ALDH1A2: variants seen among roughly 807,000 people sequenced by gnomAD.
ALDH1A2 encodes the protein retinal dehydrogenase 2.
ALDH1A2 carries 27 observed loss-of-function variants against 60.3 expected under a neutral mutation model. The ratio of observed to expected loss-of-function variants is 0.45; its 90% CI spans 0.33 to 0.62. The LOEUF is 0.62. ALDH1A2 is among the 20% of genes least tolerant of loss of function. The pLI, the probability that ALDH1A2 is intolerant of heterozygous loss-of-function variation, is 0.02. For synonymous variants in ALDH1A2, 289 were observed against 232.4 expected, an observed-to-expected ratio of 1.24 and a Z score of -2.21; for missense variants, 581 against 643.8, an observed-to-expected ratio of 0.90 and a Z score of 1.06.
At chr15:57,989,097 C>A (rs909715205) in intron 7 of ALDH1A2, among the ~76,000 whole-genome samples, 9 of 152,120 alleles carry the variant, frequency 5.9e-5, no homozygotes, top group African/African-American at 2.2e-4. Context: ...TTCAGGGAGC[C>A]GAGATCACGC....
At chr15:58,041,853 G>A (rs1314315132) in intron 1 of ALDH1A2, among the ~76,000 whole-genome samples, 1 of 151,804 alleles carries the variant, frequency 6.6e-6, no homozygotes, top group Non-Finnish European at 1.5e-5. Flanking sequence ...TACATACCTA[G>A]GATCAAGTTT....
chr15:57,995,235 AACAAACAGAAATAAACTTG>A, intron 4 of ALDH1A2, 96 bp from the exon 5 acceptor site: 1 of 691,684 alleles, frequency 1.4e-6, no homozygotes, highest in South Asian at 1.7e-5. Flanking sequence ...AAAAAAAAAA[AACAAACAGAAATAAACTTG>A]AAAAAACATC....
At chr15:57,963,575 C>A (rs191843519) in intron 9 of ALDH1A2, among the ~76,000 whole-genome samples, 36 of 152,144 alleles carry the variant, frequency 2.4e-4, no homozygotes, top group Admixed American at 1.4e-3. Flanking sequence ...GATCTCCTGA[C>A]CTCATGATCC....
intron 1 of ALDH1A2, among the ~76,000 whole-genome samples, chr15:58,024,458 A>T (rs1369069092): frequency 6.6e-6 from 1 of 152,202 alleles, no homozygotes; most frequent in Non-Finnish European, 1.5e-5. Context: ...ATAAAAACAG[A>T]TTTTAAGCCA....
At chr15:58,016,521 G>C (rs769893509) in intron 1 of ALDH1A2, among the ~76,000 whole-genome samples, 2 of 151,940 alleles carry the variant, frequency 1.3e-5, no homozygotes, top group Non-Finnish European at 2.9e-5. Flanking sequence ...TTTCTTACAG[G>C]TTTTCCAAAA....
intron 1 of ALDH1A2, among the ~76,000 whole-genome samples, chr15:58,017,311 T>C (rs1895815488): frequency 6.6e-6 from 1 of 152,180 alleles, no homozygotes; most frequent in African/African-American, 2.4e-5. Context: ...TTGATATTCA[T>C]AAATGGACAA....
At chr15:58,000,250 T>C (rs1476821922) in intron 4 of ALDH1A2, among the ~76,000 whole-genome samples, 1 of 151,798 alleles carries the variant, frequency 6.6e-6, no homozygotes, top group Non-Finnish European at 1.5e-5. Context: ...CATTTTCACG[T>C]GGATGGTGAA....
intron 12 of ALDH1A2, among the ~76,000 whole-genome samples, chr15:57,956,623 A>G (rs1893534980): frequency 6.6e-6 from 1 of 152,048 alleles, no homozygotes; most frequent in Non-Finnish European, 1.5e-5. Flanking sequence ...AACCAACTGA[A>G]ATTGCCCCAC....
At chr15:58,005,864 T>C (rs1305689714) in intron 4 of ALDH1A2, among the ~76,000 whole-genome samples, 5 of 151,898 alleles carry the variant, frequency 3.3e-5, no homozygotes, top group African/African-American at 1.2e-4. Context: ...GCTTCATAAA[T>C]GCTATCTTGA....
chr15:57,969,199 CCTA>C (rs1893986180), intron 7 of ALDH1A2, among the ~76,000 whole-genome samples: 2 of 152,188 alleles, frequency 1.3e-5, no homozygotes, highest in African/African-American at 4.8e-5. Context: ...TCATAGTTCT[CCTA>C]CTATGTGCCA....
chr15:57,998,587 T>C (rs1318252390), intron 4 of ALDH1A2, among the ~76,000 whole-genome samples: 1 of 152,086 alleles, frequency 6.6e-6, no homozygotes, highest in Non-Finnish European at 1.5e-5. Flanking sequence ...TCCATGCTCA[T>C]GGATAGGAAG....
intron 1 of ALDH1A2, among the ~76,000 whole-genome samples, chr15:58,047,224 A>G (rs1218717641): frequency 1.3e-5 from 2 of 152,060 alleles, no homozygotes; most frequent in Non-Finnish European, 2.9e-5. Flanking sequence ...GTTTTATTTC[A>G]GTAATAAAAC....
At chr15:58,000,093 C>T (rs1451018327) in intron 4 of ALDH1A2, among the ~76,000 whole-genome samples, 2 of 151,870 alleles carry the variant, frequency 1.3e-5, no homozygotes, top group African/African-American at 4.8e-5. Flanking sequence ...AGATAAATAG[C>T]TAATGCATGC....
In ALDH1A2 at chr15:58,039,995, G is replaced by A. The variant is rs1487458550; in HGVS notation, c.117+25539C>T. ...TGAAATAAGTGTTCAGTACTGTGGT[G>A]GGGGAAATCAACAGTCACGGTTCTA... is the stretch of plus-strand genomic sequence containing the variant. On this transcript the variant is annotated intron_variant, in intron 1 of 12. Transcript: ENST00000249750. Among the ~76,000 whole-genome samples the A allele has an allele frequency of 3.3e-5, 5 of 151,866 alleles. No individual in the cohort carries two copies. The East Asian group carries it at 7.8e-4, about 24-fold the overall frequency.
At chr15:57,965,885 G>T in intron 7 of ALDH1A2, 58 bp from the exon 8 acceptor site, 1 of 1,318,732 alleles carries the variant, frequency 7.6e-7, no homozygotes, top group South Asian at 1.2e-5. Flanking sequence ...ACAGTCACCG[G>T]CCAATGCCAG....
Position 57,953,867 on chromosome 15 carries a change from AGATGGAAGAAGG to A in ALDH1A2, c.*1318_*1329del, listed in dbSNP as rs1302907820. The A allele has an allele frequency of 6.6e-6, 1 of 152,568 alleles. No homozygotes were observed. The highest frequency in any genetic ancestry group is 2.1e-4 in the South Asian group (1 of 4,828). 9.5% of individuals were successfully genotyped at this position (152,568 alleles called of 1,614,324 possible). The stretch of plus-strand genomic sequence containing the variant: ...ACTGGATTGGATTTGACAGCTGGAA[AGATGGAAGAAGG>A]GATGGAAGAAGGAAAGGAAGCTAAC... On this transcript the variant is annotated 3_prime_UTR_variant, in exon 13 of 13. Coordinates refer to ENST00000249750, the MANE Select transcript of ALDH1A2 (RefSeq NM_003888.4).
chr15:57,957,564 C>G (rs1054479351), intron 12 of ALDH1A2, among the ~76,000 whole-genome samples: 1 of 152,118 alleles, frequency 6.6e-6, no homozygotes, highest in African/African-American at 2.4e-5. Context: ...CACTGATGCA[C>G]GAAAGGTATG....
At chr15:57,982,723 A>C (rs1894557383) in intron 7 of ALDH1A2, among the ~76,000 whole-genome samples, 3 of 152,218 alleles carry the variant, frequency 2.0e-5, no homozygotes, top group African/African-American at 7.2e-5. Context: ...ACTTGCCCTC[A>C]ATGTGGTTAA....
chr15:58,022,481 G>A (rs12910752), intron 1 of ALDH1A2, among the ~76,000 whole-genome samples: 53,943 of 151,810 alleles, frequency 0.36, 10,525 homozygotes, highest in Non-Finnish European at 0.46. Flanking sequence ...AGCTGCCTAG[G>A]GACCTGAGAA....
Sources: gnomAD v4.1 joint callset for allele counts (sites outside exome capture counted in the v4.1 genomes callset) on GRCh38, gnomAD v4.1.1 for gene constraint, MANE v1.5 for transcripts, NCBI Gene and HGNC (gene_info 2026-07-23, HGNC 2026-07-21) for gene names.